SLC8A1: variants seen among roughly 807,000 people sequenced by gnomAD.
The protein encoded by SLC8A1 is sodium/calcium exchanger 1.
In SLC8A1, 18 loss-of-function variants were observed where a neutral mutation model predicts 68.3. The ratio of observed to expected loss-of-function variants is 0.26; its 90% confidence interval spans 0.18 to 0.39. SLC8A1 has a LOEUF of 0.39. Ranked by LOEUF, SLC8A1 falls within the 10% of genes least tolerant of loss-of-function variation. The pLI, the probability that SLC8A1 is intolerant of heterozygous loss-of-function variation, is 1.00. For synonymous variants in SLC8A1, 475 were observed against 415.5 expected (o/e 1.14, Z -1.74); for missense variants, 985 against 1,156.7 (o/e 0.85, Z 2.15).
intron 7 of SLC8A1, among the ~76,000 whole-genome samples, chr2:40,137,852 A>G (rs2040812791): frequency 6.6e-6 from 1 of 152,076 alleles, no homozygotes; most frequent in African/African-American, 2.4e-5. Context: ...TTAATTGGTT[A>G]CCAGAAGCAT....
intron 3 of SLC8A1, among the ~76,000 whole-genome samples, chr2:40,176,508 T>C (rs2048489205): frequency 6.6e-6 from 1 of 152,204 alleles, no homozygotes; most frequent in African/African-American, 2.4e-5. Context: ...GTCTACCATC[T>C]ATGGAGCATA....
At chr2:40,216,402 C>A in intron 2 of SLC8A1, among the ~76,000 whole-genome samples, 1 of 152,092 alleles carries the variant, frequency 6.6e-6, no homozygotes, top group East Asian at 1.9e-4. Flanking sequence ...TCTAGTCTAT[C>A]ATTGATGGGC....
intron 2 of SLC8A1, among the ~76,000 whole-genome samples, chr2:40,357,426 G>A (rs1267223885): frequency 2.0e-5 from 3 of 149,280 alleles, no homozygotes; most frequent in African/African-American, 7.4e-5. Context: ...GAGCCCAGGA[G>A]GTCAAGGCTG....
At chr2:40,123,167 G>C (rs1456612909) in intron 7 of SLC8A1, 4 of 152,204 alleles carry the variant, frequency 2.6e-5, no homozygotes, top group Non-Finnish European at 4.4e-5. Flanking sequence ...AGAATCCAAG[G>C]GGTGCTGACA....
chr2:40,288,353 G>C (rs561505833), intron 2 of SLC8A1, among the ~76,000 whole-genome samples: 2 of 152,300 alleles, frequency 1.3e-5, no homozygotes, highest in South Asian at 4.1e-4. Context: ...ATAGGCTTCA[G>C]AGGGAATACT....
intron 2 of SLC8A1, among the ~76,000 whole-genome samples, chr2:40,236,672 G>T (rs1385687969): frequency 6.6e-6 from 1 of 152,066 alleles, no homozygotes; most frequent in African/African-American, 2.4e-5. Flanking sequence ...TTGCTCGTTA[G>T]TTGATGCAGT....
At chr2:40,510,774 A>G (rs1706673105) in intron 1 of SLC8A1, among the ~76,000 whole-genome samples, 1 of 152,162 alleles carries the variant, frequency 6.6e-6, no homozygotes, top group Non-Finnish European at 1.5e-5. Flanking sequence ...AGAAATATAG[A>G]AATATGTTAT....
intron 2 of SLC8A1, among the ~76,000 whole-genome samples, chr2:40,238,245 G>GCAAT (rs2060696567): frequency 6.6e-6 from 1 of 152,226 alleles, no homozygotes; most frequent in Non-Finnish European, 1.5e-5. Context: ...TGCTGTGCTA[G>GCAAT]CAATCAGTGA....
At chr2:40,185,026 A>C (rs1278822600) in intron 2 of SLC8A1, among the ~76,000 whole-genome samples, 1 of 152,198 alleles carries the variant, frequency 6.6e-6, no homozygotes, top group Non-Finnish European at 1.5e-5. Flanking sequence ...ATAATTAGCT[A>C]TCAGGGAAAT....
intron 2 of SLC8A1, among the ~76,000 whole-genome samples, chr2:40,224,030 T>C (rs1361777825): frequency 1.3e-5 from 2 of 152,116 alleles, no homozygotes; most frequent in Non-Finnish European, 2.9e-5. Flanking sequence ...GGGCCCAGCA[T>C]GGTATAGCCA....
chr2:40,321,963 C>T (rs149222307), intron 2 of SLC8A1, among the ~76,000 whole-genome samples: 230 of 152,264 alleles, frequency 1.5e-3, no homozygotes, highest in African/African-American at 5.0e-3. Context: ...TCTGCTGTCA[C>T]TCATTAGTCA....
chr2:40,247,976 C>T (rs939654029), intron 2 of SLC8A1, among the ~76,000 whole-genome samples: 35 of 152,160 alleles, frequency 2.3e-4, no homozygotes, highest in African/African-American at 7.0e-4. Context: ...ATTTTATAAG[C>T]GTGTGTTCCG....
intron 1 of SLC8A1, among the ~76,000 whole-genome samples, chr2:40,491,048 A>C (rs1335899801): frequency 6.6e-6 from 1 of 152,164 alleles, no homozygotes; most frequent in Non-Finnish European, 1.5e-5. Flanking sequence ...CTCTCTCTCT[A>C]TAAAAAGGCC....
At chr2:40,144,768 G>C in intron 6 of SLC8A1, among the ~76,000 whole-genome samples, 1 of 151,854 alleles carries the variant, frequency 6.6e-6, no homozygotes, top group East Asian at 1.9e-4. Flanking sequence ...TGACTGTTTT[G>C]GAACCTCTAT....
intron 1 of SLC8A1, among the ~76,000 whole-genome samples, chr2:40,500,085 T>G (rs1397965661): frequency 2.0e-5 from 3 of 152,068 alleles, no homozygotes; most frequent in African/African-American, 7.2e-5. Flanking sequence ...TTCATCATCT[T>G]GTACACATTA....
chr2:40,427,180 T>A (rs959455502), intron 2 of SLC8A1, among the ~76,000 whole-genome samples: 2 of 152,070 alleles, frequency 1.3e-5, no homozygotes, highest in Non-Finnish European at 2.9e-5. Context: ...TCGACACTAC[T>A]TATCACTATA....
chr2:40,218,299 G>A (rs1055404332), intron 2 of SLC8A1, among the ~76,000 whole-genome samples: 1 of 152,132 alleles, frequency 6.6e-6, no homozygotes, highest in African/African-American at 2.4e-5. Flanking sequence ...ATTACAAATT[G>A]CATGTAATTA....
chr2:40,382,247 A>C (rs532202291), intron 2 of SLC8A1, among the ~76,000 whole-genome samples: 4 of 152,214 alleles, frequency 2.6e-5, no homozygotes, highest in African/African-American at 4.8e-5. Context: ...TCAGAAAGGC[A>C]TAACAGTAGA....
intron 1 of SLC8A1, among the ~76,000 whole-genome samples, chr2:40,462,152 A>G (rs1406307005): frequency 6.6e-6 from 1 of 151,552 alleles, no homozygotes; most frequent in Non-Finnish European, 1.5e-5. Flanking sequence ...GATTACAGGC[A>G]TGCACCACCA....
Sources: gnomAD v4.1 joint callset for allele counts (sites outside exome capture counted in the v4.1 genomes callset) on GRCh38, gnomAD v4.1.1 for gene constraint, MANE v1.5 for transcripts, NCBI Gene and HGNC (gene_info 2026-07-23, HGNC 2026-07-21) for gene names.